Variants in EYS observed in about 807,000 individuals in gnomAD.
EYS encodes the protein EGF-like photoreceptor maintenance factor.
In EYS, 250 loss-of-function variants were observed where a neutral mutation model predicts 282.1. The ratio of observed to expected loss-of-function variants is 0.89; its 90% CI spans 0.80 to 0.98. The LOEUF is 0.98. Among genes scored for constraint, EYS ranks in the 50% least tolerant of loss-of-function variants. The pLI is 0.00. For missense variants in EYS, 4,016 were observed against 3,709.0 expected, an observed-to-expected ratio of 1.08 and a Z score of -2.15; for synonymous variants, 1,355 against 1,282.9, an observed-to-expected ratio of 1.06 and a Z score of -1.20.
intron 12 of EYS, among the ~76,000 whole-genome samples, chr6:65,108,633 C>T (rs573662942): frequency 6.6e-6 from 1 of 152,160 alleles, no homozygotes; most frequent in South Asian, 2.1e-4. Flanking sequence ...TTGCAGCTTT[C>T]AAGAGGCAAT....
At chr6:64,207,508 C>T (rs1402867088) in intron 31 of EYS, among the ~76,000 whole-genome samples, 1 of 152,070 alleles carries the variant, frequency 6.6e-6, no homozygotes, top group Non-Finnish European at 1.5e-5. Context: ...GGAAAGTTTA[C>T]ATACTAGCTA....
intron 5 of EYS, among the ~76,000 whole-genome samples, chr6:65,413,983 T>G (rs1177102467): frequency 6.6e-6 from 1 of 152,182 alleles, no homozygotes; most frequent in Non-Finnish European, 1.5e-5. Context: ...TGCCTTCATT[T>G]AAATATAAGC....
At chr6:65,003,433 C>G (rs1395053095) in intron 13 of EYS, among the ~76,000 whole-genome samples, 3 of 147,668 alleles carry the variant, frequency 2.0e-5, no homozygotes, top group Non-Finnish European at 4.6e-5. Context: ...GTGCCCGAAA[C>G]TTCATTAGCA....
chr6:65,429,711 G>A (rs1035767212), intron 5 of EYS, among the ~76,000 whole-genome samples: 2 of 151,862 alleles, frequency 1.3e-5, no homozygotes, highest in Admixed American at 1.3e-4. Context: ...TATTATCTAT[G>A]GAGAAACATT....
rs1030361704 is a variant in EYS, at chr6:65,495,148, A to G, written c.263T>C (p.Leu88Pro). 2.5e-5 allele frequency: 40 copies of G among 1,613,934 alleles called. No homozygotes were observed. Among genetic ancestry groups the G allele is most frequent in the Non-Finnish European group, 3.2e-5 (38 of 1,179,950 alleles). The change falls in exon 4 of 43, where the codon CTT (leucine) becomes CCT (proline). Residue 88 changes from leucine to proline, a missense_variant. By Grantham distance (98) the Leu-to-Pro change is moderately conservative. Transcript: ENST00000503581. The stretch of plus-strand genomic sequence containing the variant: ...AAGAGATGGTTCAGAAGAAATTACA[A>G]GGATATCTCCTAATTGAATTTGCAA... Reference protein sequence around the residue: ...CPLQIQLGDILVISSEPSLQF... With the variant: ...CPLQIQLGDIPVISSEPSLQF...
rs143361831 is a variant in EYS at position 64,522,914 on chromosome 6, G to A, written c.5644+67309C>T. Among the ~76,000 whole-genome samples the A allele has an allele frequency of 3.8e-3, 579 of 151,804 alleles. 2 individuals carry two copies. Among genetic ancestry groups the A allele is most frequent in the African/African-American group, 0.013 (519 of 41,474 alleles). On this transcript the variant is annotated intron_variant, in intron 26 of 42. Coordinates refer to ENST00000503581, the MANE Select transcript of EYS (RefSeq NM_001142800.2). The stretch of plus-strand genomic sequence containing the variant: ...AAGAAAATAGCTCAGTTATTTGGGT[G>A]ATCAAAAGAATATCTGGATGATTAA...
intron 13 of EYS, among the ~76,000 whole-genome samples, chr6:65,044,984 A>C (rs1773058449): frequency 6.6e-6 from 1 of 151,806 alleles, no homozygotes; most frequent in Non-Finnish European, 1.5e-5. Context: ...AAGCAATAGA[A>C]ATACACATTT....
chr6:64,817,127 T>C (rs990428622), intron 21 of EYS, among the ~76,000 whole-genome samples: 1 of 152,078 alleles, frequency 6.6e-6, no homozygotes, highest in Non-Finnish European at 1.5e-5. Flanking sequence ...CTAAAATAAT[T>C]TGTAGGAAAA....
At chr6:64,811,581 C>A (rs1194037105) in intron 22 of EYS, among the ~76,000 whole-genome samples, 1 of 152,078 alleles carries the variant, frequency 6.6e-6, no homozygotes, top group African/African-American at 2.4e-5. Flanking sequence ...AGTGAATAGA[C>A]CTTTAAAATA....
At chr6:63,909,099 G>A (rs1209012609) in intron 35 of EYS, among the ~76,000 whole-genome samples, 2 of 152,150 alleles carry the variant, frequency 1.3e-5, no homozygotes, top group African/African-American at 4.8e-5. Context: ...GTCATGAAGG[G>A]GATGCATATG....
chr6:65,458,507 T>C (rs1764710920), intron 5 of EYS, among the ~76,000 whole-genome samples: 1 of 152,160 alleles, frequency 6.6e-6, no homozygotes, highest in Non-Finnish European at 1.5e-5. Flanking sequence ...TAATTTATGC[T>C]GACTCAAATA....
intron 15 of EYS, among the ~76,000 whole-genome samples, chr6:64,935,193 A>G (rs907202698): frequency 1.3e-5 from 2 of 151,820 alleles, no homozygotes; most frequent in Admixed American, 1.3e-4. Context: ...AGAAAAAAAT[A>G]TCTATTTAAC....
chr6:65,358,800 T>C (rs1764591760), intron 8 of EYS, among the ~76,000 whole-genome samples: 2 of 152,060 alleles, frequency 1.3e-5, no homozygotes, highest in East Asian at 1.9e-4. Context: ...AAAATAAAAA[T>C]TACATTAATT....
At chr6:65,282,646 C>A (rs1768255992) in intron 12 of EYS, among the ~76,000 whole-genome samples, 1 of 151,730 alleles carries the variant, frequency 6.6e-6, no homozygotes, top group Non-Finnish European at 1.5e-5. Flanking sequence ...CTTTCTGGGG[C>A]CGAATGAGAT....
chr6:64,383,645 T>C (rs1035145217), intron 29 of EYS, among the ~76,000 whole-genome samples: 1 of 152,232 alleles, frequency 6.6e-6, no homozygotes, highest in African/African-American at 2.4e-5. Context: ...CACCAGTAAG[T>C]GGACCCCTAT....
chr6:64,660,562 C>A (rs939637498), intron 22 of EYS, among the ~76,000 whole-genome samples: 1 of 152,080 alleles, frequency 6.6e-6, no homozygotes, highest in Non-Finnish European at 1.5e-5. Context: ...AAGCCATGTG[C>A]AAAAATCACT....
intron 34 of EYS, among the ~76,000 whole-genome samples, chr6:63,990,178 T>C (rs930919244): frequency 6.6e-6 from 1 of 151,620 alleles, no homozygotes; most frequent in Non-Finnish European, 1.5e-5. Flanking sequence ...ATAAAAAAAT[T>C]TGTTGCAAAA....
At chr6:64,890,140 A>G (rs1291714731) in intron 18 of EYS, among the ~76,000 whole-genome samples, 1 of 151,266 alleles carries the variant, frequency 6.6e-6, no homozygotes, top group Non-Finnish European at 1.5e-5. Context: ...CTTATTAGGA[A>G]GAGGAAATTC....
At chr6:65,688,447 G>T (rs1769112326) in intron 1 of EYS, among the ~76,000 whole-genome samples, 1 of 152,118 alleles carries the variant, frequency 6.6e-6, no homozygotes, top group Non-Finnish European at 1.5e-5. Context: ...ATGGATTAAA[G>T]ACCTAAATGT....
Sources: allele counts gnomAD v4.1 joint callset (sites outside exome capture counted in the v4.1 genomes callset), GRCh38; gene constraint gnomAD v4.1.1; transcripts MANE v1.5; gene names NCBI Gene and HGNC (gene_info 2026-07-23, HGNC 2026-07-21).